UGGT2: variants seen among roughly 807,000 people sequenced by gnomAD.
UGGT2 encodes the protein UDP-glucose:glycoprotein glucosyltransferase 2.
Under a neutral mutation model 192.1 loss-of-function variants are expected in UGGT2, and 180 were observed. That is an observed-to-expected ratio of 0.94 (90% CI 0.83 to 1.06). The LOEUF is 1.06. Ranked by LOEUF, UGGT2 falls within the 50% of genes least tolerant of loss-of-function variation. UGGT2 has a pLI of 0.00. For synonymous variants in UGGT2, 580 were observed against 591.0 expected, an observed-to-expected ratio of 0.98 and a Z score of 0.27; for missense variants, 1,849 against 1,795.7, an observed-to-expected ratio of 1.03 and a Z score of -0.54.
intron 11 of UGGT2, among the ~76,000 whole-genome samples, chr13:95,971,222 C>T (rs947657037): frequency 2.6e-5 from 4 of 152,190 alleles, no homozygotes; most frequent in African/African-American, 4.8e-5. Context: ...CCCACATGGA[C>T]GATTCCAAAG....
chr13:95,991,535 A>G, intron 7 of UGGT2: 3 of 439,968 alleles, frequency 6.8e-6, no homozygotes, highest in Non-Finnish European at 1.4e-5. Context: ...ATAGTTACGA[A>G]TAAATATATA....
Position 95,999,256 on chromosome 13 carries a change from T to C in UGGT2, c.712A>G (p.Ile238Val), listed in dbSNP as rs745325927. Residue 238 changes from isoleucine to valine, a missense_variant, in exon 6 of 39, where the codon ATT (isoleucine) becomes GTT (valine). Transcript: ENST00000376747. ...YLSGYGVELA[I>V]KSTEYKALDD... Reference sequence around the variant, plus strand: ...AGTGCTTTGTATTCTGTACTCTTAATTGCTAGCTCCACACCATACCCAGAT... The same window carrying C: ...AGTGCTTTGTATTCTGTACTCTTAACTGCTAGCTCCACACCATACCCAGAT... 27 of 1,613,584 alleles carry C rather than the reference T, an allele frequency of 1.7e-5. No individual in the cohort carries two copies. The South Asian group carries it at 2.5e-4, about 15-fold the overall frequency.
chr13:95,944,043 A>G, intron 15 of UGGT2, among the ~76,000 whole-genome samples: 1 of 151,978 alleles, frequency 6.6e-6, no homozygotes. Context: ...ATGGTGAATT[A>G]TATTTAGAGA....
At chr13:96,038,932 G>T (rs1316412038) in intron 1 of UGGT2, among the ~76,000 whole-genome samples, 4 of 152,000 alleles carry the variant, frequency 2.6e-5, no homozygotes, top group African/African-American at 9.7e-5. Context: ...TCCATCCTGG[G>T]GTAAAATTCT....
In UGGT2 at chr13:95,948,055, T is replaced by C. The variant is rs775890912; in HGVS notation, c.1482A>G (p.Glu494=). Residue 494 remains glutamate (E), a synonymous_variant, in exon 14 of 39, where the codon GAA becomes GAG. Coordinates refer to ENST00000376747, the MANE Select transcript of UGGT2 (RefSeq NM_020121.4). ...CAAGTTTTATAAAATCCAAGGTATATTCTTGGGCCGGATCAATAAACAGAA... is the reference window on the plus strand; with the variant it reads ...CAAGTTTTATAAAATCCAAGGTATACTCTTGGGCCGGATCAATAAACAGAA... ...NLVLFIDPAQ[E]YTLDFIKLAD... 36 of 1,613,120 alleles carry C rather than the reference T, an allele frequency of 2.2e-5. No homozygotes were observed. In the Admixed American group the frequency reaches 5.8e-4, roughly 26 times the overall value.
At chr13:95,839,396 T>C (rs1417038972) in intron 36 of UGGT2, among the ~76,000 whole-genome samples, 1 of 152,240 alleles carries the variant, frequency 6.6e-6, no homozygotes, top group Admixed American at 6.5e-5. Context: ...TTATACATTA[T>C]CAGGTTTTTG....
Position 96,017,408 on chromosome 13 carries a change from C to T in UGGT2, c.486-3927G>A, listed in dbSNP as rs191354517. On this transcript the variant is annotated intron_variant, in intron 4 of 38. Transcript: ENST00000376747. ...CTATGTGACGTGCCTGTTCCAGCTT[C>T]GCCTTCTGTCATGGCTGTAAGGTTC... is the stretch of plus-strand genomic sequence containing the variant. Among the ~76,000 whole-genome samples, 101 of 152,296 alleles carry T rather than the reference C, an allele frequency of 6.6e-4. 2 individuals are homozygous for T. In the East Asian group the frequency reaches 0.018, roughly 27 times the overall value.
intron 34 of UGGT2, 84 bp downstream of exon 34, chr13:95,856,074 G>A (rs1278802955): frequency 2.7e-6 from 3 of 1,114,718 alleles, no homozygotes; most frequent in East Asian, 5.1e-5. Flanking sequence ...TAATAAACAT[G>A]AGCAACATGA....
At chr13:95,855,215 G>T (rs997962866) in intron 34 of UGGT2, among the ~76,000 whole-genome samples, 5 of 151,396 alleles carry the variant, frequency 3.3e-5, no homozygotes, top group African/African-American at 9.7e-5. Flanking sequence ...GAATGCAGGA[G>T]TCTGAGGCTA....
chr13:95,962,118 CTT>C (rs2050412561), intron 12 of UGGT2, among the ~76,000 whole-genome samples: 1 of 151,900 alleles, frequency 6.6e-6, no homozygotes, highest in African/African-American at 2.4e-5. Flanking sequence ...GCAGTAAGCT[CTT>C]ATATCAAAAA....
intron 13 of UGGT2, 46 bp from the exon 14 acceptor site, chr13:95,948,127 T>C (rs1047707654): frequency 1.4e-6 from 2 of 1,464,474 alleles, no homozygotes; most frequent in Non-Finnish European, 9.4e-7. Context: ...CCTTAGAATC[T>C]TCATGAAATT....
chr13:95,894,513 T>C (rs747262405), intron 24 of UGGT2, 49 bp downstream of exon 24: 6 of 1,424,086 alleles, frequency 4.2e-6, no homozygotes, highest in South Asian at 1.2e-5. Flanking sequence ...ATGGAAATAA[T>C]TGCATGCATT....
At chr13:95,939,414 A>G (rs2049584012) in intron 16 of UGGT2, among the ~76,000 whole-genome samples, 1 of 149,914 alleles carries the variant, frequency 6.7e-6, no homozygotes, top group South Asian at 2.1e-4. Flanking sequence ...GCTCCTATAC[A>G]TTAATTTTTG....
At chr13:95,897,130 T>C (rs1431932747) in intron 22 of UGGT2, among the ~76,000 whole-genome samples, 1 of 152,128 alleles carries the variant, frequency 6.6e-6, no homozygotes, top group East Asian at 1.9e-4. Context: ...GAAAATTTAC[T>C]CTGTGTTTGG....
chr13:95,845,649 T>G (rs1024337229), intron 36 of UGGT2, among the ~76,000 whole-genome samples: 1 of 152,138 alleles, frequency 6.6e-6, no homozygotes, highest in Admixed American at 6.5e-5. Flanking sequence ...AAAACCGCCA[T>G]CGTCATCATG....
chr13:96,027,126 AATACTT>A (rs1324572405), intron 2 of UGGT2, among the ~76,000 whole-genome samples: 1 of 152,228 alleles, frequency 6.6e-6, no homozygotes, highest in Non-Finnish European at 1.5e-5. Flanking sequence ...ATATTCTTAA[AATACTT>A]ATAGTTACAA....
At chr13:95,906,346 T>C (rs938457851) in intron 20 of UGGT2, among the ~76,000 whole-genome samples, 30 of 152,324 alleles carry the variant, frequency 2.0e-4, no homozygotes, top group African/African-American at 6.5e-4. Flanking sequence ...ATAATTTATA[T>C]GTGGCTATGT....
intron 1 of UGGT2, 24 bp from the exon 2 acceptor site, chr13:96,031,995 G>C (rs370860454): frequency 6.5e-7 from 1 of 1,539,456 alleles, no homozygotes; most frequent in South Asian, 1.1e-5. Context: ...AGAAGTAATC[G>C]GTTAGTAGAT....
At chr13:95,877,470 G>A (rs937937557) in intron 28 of UGGT2, 106 bp from the exon 29 acceptor site, 34 of 1,028,474 alleles carry the variant, frequency 3.3e-5, no homozygotes, top group Non-Finnish European at 4.4e-5. Context: ...ACTGTAGAAT[G>A]AATAAATTCT....
Sources: gnomAD v4.1 joint callset for allele counts (sites outside exome capture counted in the v4.1 genomes callset) on GRCh38, gnomAD v4.1.1 for gene constraint, MANE v1.5 for transcripts, NCBI Gene and HGNC (gene_info 2026-07-23, HGNC 2026-07-21) for gene names.